BEND7: variants seen among roughly 807,000 people sequenced by gnomAD.
BEND7 encodes the protein BEN domain containing 7.
Under a neutral mutation model 50.9 loss-of-function variants are expected in BEND7, and 28 were observed. That is an observed-to-expected ratio of 0.55 (90% CI 0.41 to 0.75). The LOEUF is 0.75. Ranked by LOEUF, BEND7 falls within the 30% of genes least tolerant of loss-of-function variation. The pLI, the probability that BEND7 is intolerant of heterozygous loss-of-function variation, is 0.00. For synonymous variants in BEND7, 170 were observed against 183.9 expected, an observed-to-expected ratio of 0.92 and a Z score of 0.61; for missense variants, 477 against 491.3, an observed-to-expected ratio of 0.97 and a Z score of 0.28.
intron 5 of BEND7, among the ~76,000 whole-genome samples, chr10:13,489,517 A>G (rs117344617): frequency 0.019 from 2,840 of 152,262 alleles, 30 homozygotes; most frequent in Middle Eastern, 0.034. Flanking sequence ...TAGAAAGCGG[A>G]TAAGAAGAAT....
At chr10:13,502,048 T>C (rs2077511186) in intron 2 of BEND7, among the ~76,000 whole-genome samples, 1 of 141,234 alleles carries the variant, frequency 7.1e-6, no homozygotes, top group African/African-American at 2.4e-5. Context: ...TCAATATATG[T>C]ATATATAAGG....
At chr10:13,510,352 G>A (rs1243508705) in intron 2 of BEND7, among the ~76,000 whole-genome samples, 1 of 152,194 alleles carries the variant, frequency 6.6e-6, no homozygotes, top group Non-Finnish European at 1.5e-5. Flanking sequence ...CTCATAGGCT[G>A]TTGGTAGGGA....
downstream of BEND7, chr10:13,440,938 C>T (rs1835237409): frequency 3.0e-6 from 1 of 330,908 alleles, no homozygotes; most frequent in Non-Finnish European, 4.3e-6. Flanking sequence ...TCTAGGTGGT[C>T]TCTTTATTTT....
At chr10:13,529,336 G>C (rs1378359473), upstream of BEND7, among the ~76,000 whole-genome samples, 1 of 151,516 alleles carries the variant, frequency 6.6e-6, no homozygotes, top group Non-Finnish European at 1.5e-5. Flanking sequence ...GTGGGGGCGC[G>C]GACCGCCCCG....
At chr10:13,504,157 C>T (rs2077693787) in intron 2 of BEND7, among the ~76,000 whole-genome samples, 1 of 152,134 alleles carries the variant, frequency 6.6e-6, no homozygotes, top group Admixed American at 6.5e-5. Context: ...AATCTGGGGA[C>T]AGTGGGTGCT....
chr10:13,478,722 T>C (rs761073082), intron 6 of BEND7, among the ~76,000 whole-genome samples: 4 of 152,330 alleles, frequency 2.6e-5, no homozygotes, highest in Admixed American at 1.3e-4. Context: ...AATATATGTC[T>C]ATGAATAAAC....
intron 4 of BEND7, among the ~76,000 whole-genome samples, chr10:13,493,979 TG>T (rs1189167013): frequency 1.3e-5 from 2 of 152,268 alleles, no homozygotes; most frequent in Non-Finnish European, 2.9e-5. Flanking sequence ...CTGATATTTT[TG>T]TCTCCAAATT....
At chr10:13,450,510 G>T (rs1837435454) in intron 7 of BEND7, among the ~76,000 whole-genome samples, 1 of 152,196 alleles carries the variant, frequency 6.6e-6, no homozygotes, top group South Asian at 2.1e-4. Context: ...TTGACAAAAT[G>T]GGGAGACAAA....
chr10:13,441,281 T>C lies in BEND7; in HGVS notation c.*462A>G. On this transcript the variant is annotated 3_prime_UTR_variant, in exon 9 of 9. Transcript: ENST00000466271. ...AACATATATACAGAAGATTGAGACA[T>C]TATCCATAGATATGGATTTTTTTTT... The C allele has an allele frequency of 7.5e-6, 7 of 931,560 alleles. No individual in the cohort carries two copies. The highest frequency in any genetic ancestry group is 9.0e-6 in the Non-Finnish European group (7 of 780,764). The allele number at this position is 931,560 out of a possible 1,614,324, so 57.7% of individuals were successfully genotyped here. A position where few individuals can be genotyped will look rare whatever the true frequency, so the allele number is the denominator to read the frequency against.
At chr10:13,508,589 C>T (rs137885021) in intron 2 of BEND7, among the ~76,000 whole-genome samples, 3 of 152,342 alleles carry the variant, frequency 2.0e-5, no homozygotes, top group African/African-American at 7.2e-5. Flanking sequence ...CTTGAGGGTC[C>T]TGTTCAGCTG....
chr10:13,505,576 T>G (rs2077817947), intron 2 of BEND7, among the ~76,000 whole-genome samples: 1 of 152,130 alleles, frequency 6.6e-6, no homozygotes, highest in Non-Finnish European at 1.5e-5. Context: ...CTTCTTAAAC[T>G]CTCACACTGT....
chr10:13,529,544 C>T (rs931364186), upstream of BEND7, among the ~76,000 whole-genome samples: 1 of 152,088 alleles, frequency 6.6e-6, no homozygotes, highest in African/African-American at 2.4e-5. Flanking sequence ...TGGAAAGAGC[C>T]GAGTCACATT....
rs1226745315 is a variant in BEND7 at position 13,509,281 on chromosome 10, CTCTT to C, written c.146-9205_146-9202del. The stretch of plus-strand genomic sequence containing the variant: ...CTGAATGCAAGTACTGTCCTATACT[CTCTT>C]TGTTTTTGCATTTAATTTTAAAACA... On this transcript the variant is annotated intron_variant, in intron 2 of 8. Transcript: ENST00000466271. 1.2e-4 allele frequency among the ~76,000 whole-genome samples: 18 copies of C among 152,360 alleles called. 1 individual carries two copies. The highest frequency in any genetic ancestry group is 6.5e-4 in the Admixed American group (10 of 15,308).
chr10:13,448,972 CA>C (rs35336154), intron 7 of BEND7, among the ~76,000 whole-genome samples: 326 of 56,658 alleles, frequency 5.8e-3, no homozygotes, highest in South Asian at 0.011. Context: ...GACTCCATCT[CA>C]AAAAAAAAAA....
chr10:13,516,055 T>C (rs1490035749), intron 2 of BEND7, among the ~76,000 whole-genome samples: 2 of 152,222 alleles, frequency 1.3e-5, no homozygotes, highest in African/African-American at 2.4e-5. Flanking sequence ...TGGAGGCACA[T>C]TACCTTTTAA....
chr10:13,451,418 G>T (rs1156818106), intron 7 of BEND7, among the ~76,000 whole-genome samples: 1 of 150,710 alleles, frequency 6.6e-6, no homozygotes, highest in Admixed American at 6.6e-5. Context: ...TGTAGATAGG[G>T]TCTCCACAAA....
intron 6 of BEND7, among the ~76,000 whole-genome samples, chr10:13,462,095 A>G (rs1840331787): frequency 6.6e-6 from 1 of 152,222 alleles, no homozygotes; most frequent in Non-Finnish European, 1.5e-5. Flanking sequence ...TGAGCAAGGA[A>G]AAATTCAATG....
chr10:13,458,929 C>G (rs1433558626), intron 6 of BEND7, among the ~76,000 whole-genome samples: 1 of 152,204 alleles, frequency 6.6e-6, no homozygotes, highest in Admixed American at 6.5e-5. Context: ...ATACACATCT[C>G]ATTTAATCTC....
chr10:13,511,025 C>T (rs895383851), intron 2 of BEND7, among the ~76,000 whole-genome samples: 15 of 152,084 alleles, frequency 9.9e-5, no homozygotes, highest in Admixed American at 2.6e-4. Context: ...TTAAAAAATA[C>T]GAAAATTAGC....
Sources: gnomAD v4.1 joint callset for allele counts (sites outside exome capture counted in the v4.1 genomes callset) on GRCh38, gnomAD v4.1.1 for gene constraint, MANE v1.5 for transcripts, NCBI Gene and HGNC (gene_info 2026-07-23, HGNC 2026-07-21) for gene names.